The following KAT2B variants were observed in gnomAD, a reference collection of about 807,000 sequenced individuals.
The protein encoded by KAT2B is histone acetyltransferase KAT2B.
In KAT2B, 36 loss-of-function variants were observed where a neutral mutation model predicts 105.9. The ratio of observed to expected loss-of-function variants is 0.34; its 90% CI spans 0.26 to 0.45. The LOEUF (loss-of-function observed/expected upper bound fraction) is 0.45. Ranked by LOEUF, KAT2B falls within the 20% of genes least tolerant of loss-of-function variation. The probability of loss-of-function intolerance (pLI) is 1.00; values close to 1 mark genes in which losing one functional copy is unlikely to be tolerated. For missense variants in KAT2B, 820 were observed against 1,021.6 expected, an observed-to-expected ratio of 0.80 and a Z score of 2.69; for synonymous variants, 397 against 377.9, an observed-to-expected ratio of 1.05 and a Z score of -0.59.
Position 20,120,878 on chromosome 3 carries a change from A to G in KAT2B, c.1276+1155A>G, listed in dbSNP as rs542682519. 3.3e-5 allele frequency among the ~76,000 whole-genome samples: 5 copies of G among 152,270 alleles called. No homozygotes were observed. The South Asian group carries it at 6.2e-4, about 19-fold the overall frequency. On this transcript the variant is annotated intron_variant, in intron 8 of 17. Coordinates refer to ENST00000263754, the MANE Select transcript of KAT2B (RefSeq NM_003884.5). ...AGGACCTTATAATATAAGAAGTGCCATATATTTAGCATATGCCACCATTCC... is the reference window on the plus strand; with the variant it reads ...AGGACCTTATAATATAAGAAGTGCCGTATATTTAGCATATGCCACCATTCC...
rs375575634 is a variant in KAT2B, at chr3:20,095,698, G to T, written c.576+290G>T. Among the ~76,000 whole-genome samples the T allele has an allele frequency of 1.9e-3, 290 of 152,272 alleles. 1 individual carries two copies. The highest frequency in any genetic ancestry group is 6.8e-3 in the African/African-American group (283 of 41,558). ...CAAATATTTATTGCACATCTGTTCT[G>T]CATGTGGCACTAACGTAGGCATGAG... On this transcript the variant is annotated intron_variant, in intron 3 of 17. Transcript: ENST00000263754.
chr3:20,099,388 T>C (rs1414793344), intron 3 of KAT2B, among the ~76,000 whole-genome samples: 1 of 152,236 alleles, frequency 6.6e-6, no homozygotes, highest in African/African-American at 2.4e-5. Flanking sequence ...GCCTCTTTTG[T>C]GCAGAATAGA....
chr3:20,052,865 A>G (rs35632245), intron 1 of KAT2B, among the ~76,000 whole-genome samples: 26,445 of 152,100 alleles, frequency 0.17, 3,002 homozygotes, highest in Non-Finnish European at 0.26. Flanking sequence ...AATCCCAGCT[A>G]TTCGGGAGGC....
Position 20,122,838 on chromosome 3 carries a change from G to A in KAT2B, c.1413+34G>A, listed in dbSNP as rs9310610. The A allele has an allele frequency of 2.3e-3, 3,699 of 1,587,424 alleles. 61 individuals carry two copies. The African/African-American group carries it at 0.04, about 17-fold the overall frequency. On this transcript the variant is annotated intron_variant, in intron 9 of 17. Coordinates refer to ENST00000263754, the MANE Select transcript of KAT2B (RefSeq NM_003884.5). Reference sequence around the variant, plus strand: ...GGTAAACCTGGGCAGCCAGCTGGTAGACCTCTTCTGCTCTCCTGGCCACTC... The same window carrying A: ...GGTAAACCTGGGCAGCCAGCTGGTAAACCTCTTCTGCTCTCCTGGCCACTC...
intron 1 of KAT2B, among the ~76,000 whole-genome samples, chr3:20,056,008 G>A (rs576004720): frequency 2.6e-5 from 4 of 152,262 alleles, no homozygotes; most frequent in Non-Finnish European, 4.4e-5. Flanking sequence ...CTGTATGGAC[G>A]TACTAGTTTG....
intron 12 of KAT2B, 114 bp from the exon 13 acceptor site, chr3:20,140,107 T>C: frequency 1.5e-6 from 1 of 689,570 alleles, no homozygotes; most frequent in Non-Finnish European, 2.5e-6. Flanking sequence ...AATAGTACAA[T>C]GAGAACTTCA....
At chr3:20,066,652 C>T (rs2623075) in intron 1 of KAT2B, among the ~76,000 whole-genome samples, 9,276 of 151,868 alleles carry the variant, frequency 0.061, 317 homozygotes, top group Non-Finnish European at 0.076. Flanking sequence ...CCTCCCACCT[C>T]GGCATCCCAA....
intron 1 of KAT2B, among the ~76,000 whole-genome samples, chr3:20,060,298 T>C (rs572811710): frequency 1.3e-5 from 2 of 152,290 alleles, no homozygotes; most frequent in Non-Finnish European, 2.9e-5. Flanking sequence ...TTGAAAAAAT[T>C]GTTGTTTCTT....
chr3:20,123,325 C>G (rs1297579532), intron 9 of KAT2B, among the ~76,000 whole-genome samples: 1 of 152,146 alleles, frequency 6.6e-6, no homozygotes, highest in East Asian at 1.9e-4. Flanking sequence ...CTTACATAAC[C>G]ACAATGCAGT....
At chr3:20,119,278 A>ATT (rs34386078) in intron 7 of KAT2B, among the ~76,000 whole-genome samples, 348 of 134,572 alleles carry the variant, frequency 2.6e-3, no homozygotes, top group African/African-American at 6.4e-3. Context: ...CCAAATAGTG[A>ATT]TTTTTTTTTT....
At position 20,093,624 on chromosome 3, in the gene KAT2B, C is replaced by G. The variant is rs531370173; in HGVS notation, c.431-1639C>G. ...AGACTGACCTGTGTCCAGCACCTGGCAGATATTCCTCAATAGCCTTTAGTT... is the reference window on the plus strand; with the variant it reads ...AGACTGACCTGTGTCCAGCACCTGGGAGATATTCCTCAATAGCCTTTAGTT... On this transcript the variant is annotated intron_variant, in intron 2 of 17. Transcript: ENST00000263754. Among the ~76,000 whole-genome samples, 75 of 152,290 alleles carry G rather than the reference C, an allele frequency of 4.9e-4. 4 individuals are homozygous for G. Among genetic ancestry groups the G allele is most frequent in the Non-Finnish European group, 1.3e-4 (9 of 68,022 alleles).
intron 6 of KAT2B, among the ~76,000 whole-genome samples, chr3:20,113,637 AC>A (rs1368095134): frequency 1.3e-5 from 2 of 152,170 alleles, no homozygotes; most frequent in African/African-American, 4.8e-5. Context: ...ATTTATACCT[AC>A]AGTTTTGGCA....
chr3:20,061,840 A>C lies in KAT2B; in HGVS notation c.304-10493A>C, dbSNP rs1291009512. On this transcript the variant is annotated intron_variant, in intron 1 of 17. Coordinates refer to ENST00000263754, the MANE Select transcript of KAT2B (RefSeq NM_003884.5). Reference sequence around the variant, plus strand: ...ATAAAGTATATAATATATAATATACATAAAATATATATAATATACATAAAA... The same window carrying C: ...ATAAAGTATATAATATATAATATACCTAAAATATATATAATATACATAAAA... Among the ~76,000 whole-genome samples, 4 of 107,762 alleles carry C rather than the reference A, an allele frequency of 3.7e-5. 1 individual carries two copies. In the South Asian group the frequency reaches 1.0e-3, roughly 28 times the overall value. The allele number at this position is 107,762 out of a possible 152,430, so 70.7% of individuals were successfully genotyped here. A position where few individuals can be genotyped will look rare whatever the true frequency, so the allele number is the denominator to read the frequency against.
chr3:20,094,111 A>G (rs1202599860), intron 2 of KAT2B, among the ~76,000 whole-genome samples: 2 of 152,208 alleles, frequency 1.3e-5, no homozygotes, highest in Non-Finnish European at 2.9e-5. Flanking sequence ...TCACACAGCT[A>G]TAAAGAACTA....
intron 13 of KAT2B, among the ~76,000 whole-genome samples, chr3:20,141,379 A>G (rs1028525488): frequency 1.3e-5 from 2 of 149,854 alleles, no homozygotes; most frequent in African/African-American, 5.0e-5. Context: ...GAAAAAAAAA[A>G]CACTCATGAT....
At chr3:20,086,598 C>G (rs547233796) in intron 2 of KAT2B, among the ~76,000 whole-genome samples, 1 of 152,230 alleles carries the variant, frequency 6.6e-6, no homozygotes, top group South Asian at 2.1e-4. Context: ...GAGACCCTGT[C>G]TTGACACTGC....
intron 1 of KAT2B, among the ~76,000 whole-genome samples, chr3:20,069,839 T>G (rs994828630): frequency 6.6e-6 from 1 of 152,124 alleles, no homozygotes; most frequent in Non-Finnish European, 1.5e-5. Context: ...AAGCTTTTCT[T>G]GTATCTGCAT....
At chr3:20,121,475 C>A (rs561033632) in intron 8 of KAT2B, among the ~76,000 whole-genome samples, 3 of 152,026 alleles carry the variant, frequency 2.0e-5, no homozygotes, top group Non-Finnish European at 2.9e-5. Flanking sequence ...ATGAGGAAAG[C>A]GGAAGAAAGT....
intron 1 of KAT2B, among the ~76,000 whole-genome samples, chr3:20,055,305 A>T (rs1575106987): frequency 6.6e-6 from 1 of 152,312 alleles, no homozygotes; most frequent in Non-Finnish European, 1.5e-5. Flanking sequence ...TTAATGTGCC[A>T]GGTGTTGATT....
Sources: allele counts gnomAD v4.1 joint callset (sites outside exome capture counted in the v4.1 genomes callset), GRCh38; gene constraint gnomAD v4.1.1; transcripts MANE v1.5; gene names NCBI Gene and HGNC (gene_info 2026-07-23, HGNC 2026-07-21).